Variants in KLRG1 observed in about 807,000 individuals in gnomAD.
KLRG1 encodes killer cell lectin like receptor G1.
A neutral mutation model predicts 21.8 loss-of-function variants in KLRG1; 16 were observed. The ratio of observed to expected loss-of-function variants is 0.73; its 90% CI spans 0.50 to 1.11. The LOEUF (loss-of-function observed/expected upper bound fraction) is 1.11, where lower values mean the gene tolerates loss of function less well. KLRG1 is among the 50% of genes most tolerant of loss of function. The pLI, the probability that KLRG1 is intolerant of heterozygous loss-of-function variation, is 0.00. For synonymous variants in KLRG1, 69 were observed against 75.9 expected (o/e 0.91, Z 0.47); for missense variants, 173 against 218.3 (o/e 0.79, Z 1.31).
chr12:9,164,817 C>T, the KLRG1 span, among the ~76,000 whole-genome samples: 15 of 152,240 alleles, frequency 9.9e-5, no homozygotes, highest in East Asian at 2.5e-3. Flanking sequence ...GAATGACTCT[C>T]GTGGAACTGA....
At chr12:9,033,767 A>T in the KLRG1 span, among the ~76,000 whole-genome samples, 1 of 152,338 alleles carries the variant, frequency 6.6e-6, no homozygotes, top group South Asian at 2.1e-4. Flanking sequence ...GGTGGCTTCA[A>T]GGCTCAGCTT....
At chr12:8,993,774 T>G (rs1947049901) in intron 2 of KLRG1, among the ~76,000 whole-genome samples, 1 of 152,190 alleles carries the variant, frequency 6.6e-6, no homozygotes, top group Non-Finnish European at 1.5e-5. Context: ...GAACTTATAT[T>G]GGTTGTATGC....
chr12:9,016,998 A>G, the KLRG1 span, among the ~76,000 whole-genome samples: 1 of 152,070 alleles, frequency 6.6e-6, no homozygotes, highest in African/African-American at 2.4e-5. Context: ...ACAAAACCAA[A>G]GACACACTTT....
At chr12:8,983,017 G>A (rs1279533253) in intron 1 of KLRG1, among the ~76,000 whole-genome samples, 1 of 152,092 alleles carries the variant, frequency 6.6e-6, no homozygotes, top group Non-Finnish European at 1.5e-5. Context: ...ATTTGGTGCA[G>A]CAGTCCATTT....
the KLRG1 span, chr12:9,099,426 A>T: frequency 6.3e-7 from 1 of 1,586,178 alleles, no homozygotes; most frequent in African/African-American, 1.3e-5. Context: ...CAGAATCCCC[A>T]ATCACGTCCC....
chr12:8,967,116 A>G (rs1946486694), intron 1 of KLRG1, among the ~76,000 whole-genome samples: 1 of 145,802 alleles, frequency 6.9e-6, no homozygotes, highest in Non-Finnish European at 1.5e-5. Context: ...GTTCTCACTC[A>G]TAGGTGGGAC....
upstream of KLRG1, among the ~76,000 whole-genome samples, chr12:8,989,312 C>T (rs940965284): frequency 2.6e-5 from 4 of 152,190 alleles, no homozygotes; most frequent in Non-Finnish European, 4.4e-5. Flanking sequence ...TAACCACTCT[C>T]ACTTTTATTT....
the KLRG1 span, among the ~76,000 whole-genome samples, chr12:9,034,595 C>T: frequency 6.6e-6 from 1 of 151,974 alleles, no homozygotes; most frequent in African/African-American, 2.4e-5. Context: ...TACAGGCATG[C>T]GCCACCATGC....
chr12:9,150,244 T>C, the KLRG1 span, among the ~76,000 whole-genome samples: 1 of 152,206 alleles, frequency 6.6e-6, no homozygotes, highest in Non-Finnish European at 1.5e-5. Flanking sequence ...GAAACACTAA[T>C]TGATAAATTT....
chr12:9,053,633 C>T, the KLRG1 span, among the ~76,000 whole-genome samples: 1 of 152,074 alleles, frequency 6.6e-6, no homozygotes, highest in East Asian at 1.9e-4. Context: ...TGAAAATAAA[C>T]CCAGCTTGCA....
chr12:8,973,224 A>C (rs1395942541), intron 1 of KLRG1, among the ~76,000 whole-genome samples: 1 of 151,620 alleles, frequency 6.6e-6, no homozygotes, highest in African/African-American at 2.4e-5. Flanking sequence ...GATTGCATTT[A>C]ATCTGTAGAT....
chr12:8,970,275 T>C (rs1036547127), intron 1 of KLRG1, among the ~76,000 whole-genome samples: 1 of 152,224 alleles, frequency 6.6e-6, no homozygotes, highest in Non-Finnish European at 1.5e-5. Flanking sequence ...TTTTGTACTA[T>C]AGTGGCAGAA....
the KLRG1 span, chr12:9,161,026 G>A: frequency 6.4e-7 from 1 of 1,561,022 alleles, no homozygotes; most frequent in East Asian, 2.2e-5. Context: ...AATGGAAGGT[G>A]ACTCACCCAG....
the KLRG1 span, among the ~76,000 whole-genome samples, chr12:9,153,547 A>G: frequency 6.6e-6 from 1 of 152,250 alleles, no homozygotes; most frequent in African/African-American, 2.4e-5. Context: ...TAAAAGGCTA[A>G]TAATGTTTAT....
the KLRG1 span, chr12:9,077,360 G>GA: frequency 6.2e-7 from 1 of 1,613,284 alleles, no homozygotes; most frequent in African/African-American, 1.3e-5. Flanking sequence ...ACTGTGAGAG[G>GA]AATCTCCAGA....
At chr12:9,153,239 A>C in the KLRG1 span, 1 of 1,614,172 alleles carries the variant, frequency 6.2e-7, no homozygotes, top group Non-Finnish European at 8.5e-7. Flanking sequence ...GGAAATTTGT[A>C]GAAAAGGTCT....
At chr12:9,013,085 G>C (rs1480167261), downstream of KLRG1, among the ~76,000 whole-genome samples, 1 of 152,198 alleles carries the variant, frequency 6.6e-6, no homozygotes, top group African/African-American at 2.4e-5. Flanking sequence ...AAATTCTCCT[G>C]TATCATACCC....
chr12:9,125,477 C>T, the KLRG1 span, among the ~76,000 whole-genome samples: 2 of 152,148 alleles, frequency 1.3e-5, no homozygotes, highest in African/African-American at 4.8e-5. Flanking sequence ...ATACAATCAA[C>T]TTAAGCTCAT....
At chr12:9,014,081 G>A (rs1249893023), downstream of KLRG1, among the ~76,000 whole-genome samples, 1 of 151,966 alleles carries the variant, frequency 6.6e-6, no homozygotes, top group Non-Finnish European at 1.5e-5. Context: ...ACAGAAAAAA[G>A]AATAGAAAAG....
Sources: allele counts gnomAD v4.1 joint callset (sites outside exome capture counted in the v4.1 genomes callset), GRCh38; gene constraint gnomAD v4.1.1; transcripts MANE v1.5; gene names NCBI Gene and HGNC (gene_info 2026-07-23, HGNC 2026-07-21).